The following SNAP91 variants were observed in gnomAD, a reference collection of about 807,000 sequenced individuals.
SNAP91 encodes the protein clathrin coat assembly protein AP180.
Under a neutral mutation model 100.3 loss-of-function variants are expected in SNAP91, and 27 were observed. The observed-to-expected ratio is 0.27, with a 90% confidence interval of 0.20 to 0.37. SNAP91 has a LOEUF of 0.37. Among genes scored for constraint, SNAP91 ranks in the 10% least tolerant of loss-of-function variants. The pLI is 1.00. For missense variants in SNAP91, 986 were observed against 1,123.7 expected, an observed-to-expected ratio of 0.88 and a Z score of 1.75; for synonymous variants, 404 against 398.6, an observed-to-expected ratio of 1.01 and a Z score of -0.16.
chr6:83,609,368 C>T (rs924456053), intron 12 of SNAP91, among the ~76,000 whole-genome samples: 1 of 152,126 alleles, frequency 6.6e-6, no homozygotes, highest in African/African-American at 2.4e-5. Flanking sequence ...TTCACATAGA[C>T]ATAATGGTTT....
chr6:83,671,625 T>A (rs1475859244), intron 2 of SNAP91, among the ~76,000 whole-genome samples: 1 of 152,062 alleles, frequency 6.6e-6, no homozygotes, highest in African/African-American at 2.4e-5. Context: ...TGAAAATTAA[T>A]CTTAGAAAGA....
At chr6:83,563,738 A>T (rs1413622274) in intron 26 of SNAP91, among the ~76,000 whole-genome samples, 1 of 152,250 alleles carries the variant, frequency 6.6e-6, no homozygotes, top group Non-Finnish European at 1.5e-5. Context: ...GAAAAATTTA[A>T]TTATGAAAAC....
intron 23 of SNAP91, 30 bp downstream of exon 23, chr6:83,582,192 G>GAA: frequency 6.2e-7 from 1 of 1,610,838 alleles, no homozygotes; most frequent in Non-Finnish European, 8.5e-7. Context: ...CAGGACACAT[G>GAA]AAAAGAATGT....
intron 14 of SNAP91, among the ~76,000 whole-genome samples, chr6:83,604,097 T>G (rs989747422): frequency 6.6e-6 from 1 of 152,176 alleles, no homozygotes; most frequent in Non-Finnish European, 1.5e-5. Flanking sequence ...AAGATAAAAT[T>G]TATCTTCAGT....
At chr6:83,577,779 G>A (rs755416525) in intron 24 of SNAP91, among the ~76,000 whole-genome samples, 1 of 152,078 alleles carries the variant, frequency 6.6e-6, no homozygotes, top group Non-Finnish European at 1.5e-5. Flanking sequence ...TTTAAAGTAC[G>A]TAATTCAATG....
intron 24 of SNAP91, among the ~76,000 whole-genome samples, chr6:83,578,238 T>A (rs1165422137): frequency 6.6e-6 from 1 of 151,948 alleles, no homozygotes; most frequent in African/African-American, 2.4e-5. Context: ...CACCTAGGAG[T>A]GGAAATGCTG....
chr6:83,697,324 G>GCGCA (rs71549562), intron 2 of SNAP91, among the ~76,000 whole-genome samples: 3 of 138,064 alleles, frequency 2.2e-5, no homozygotes, highest in African/African-American at 8.0e-5. Context: ...GAAAATAGCT[G>GCGCA]CACACACACA....
intron 2 of SNAP91, 25 bp from the exon 3 acceptor site, chr6:83,665,606 A>C (rs1290355207): frequency 1.3e-6 from 2 of 1,596,414 alleles, no homozygotes; most frequent in Admixed American, 3.5e-5. Context: ...GATATTAATC[A>C]ATGATATTAA....
intron 2 of SNAP91, among the ~76,000 whole-genome samples, chr6:83,705,132 T>C (rs1435379771): frequency 2.0e-5 from 3 of 152,246 alleles, no homozygotes; most frequent in Non-Finnish European, 4.4e-5. Context: ...GTGATAACTA[T>C]GTCTCCAAAT....
intron 8 of SNAP91, among the ~76,000 whole-genome samples, chr6:83,635,694 G>A (rs147152506): frequency 6.6e-6 from 1 of 151,998 alleles, no homozygotes; most frequent in Non-Finnish European, 1.5e-5. Context: ...GTATTCATAT[G>A]TGAGGTTTCA....
At chr6:83,705,856 T>C (rs2099369864) in intron 2 of SNAP91, among the ~76,000 whole-genome samples, 1 of 151,664 alleles carries the variant, frequency 6.6e-6, no homozygotes, top group Non-Finnish European at 1.5e-5. Context: ...CCTGAACCCA[T>C]TAAGTGATGA....
At chr6:83,678,949 GA>G (rs5877861) in intron 2 of SNAP91, 19,066 of 832,306 alleles carry the variant, frequency 0.023, 596 homozygotes, top group African/African-American at 0.16. Flanking sequence ...TAAGTGAAAT[GA>G]AAAAAAAAAA....
intron 26 of SNAP91, among the ~76,000 whole-genome samples, chr6:83,572,568 T>A (rs1197230612): frequency 6.6e-6 from 1 of 152,140 alleles, no homozygotes; most frequent in Non-Finnish European, 1.5e-5. Flanking sequence ...TTTTTTCCTT[T>A]TTTTAACCTA....
intron 29 of SNAP91, among the ~76,000 whole-genome samples, chr6:83,554,504 GTA>G (rs1234962750): frequency 6.6e-6 from 1 of 151,966 alleles, no homozygotes; most frequent in East Asian, 1.9e-4. Flanking sequence ...AACTTTTGAT[GTA>G]TAGTTTCATT....
intron 16 of SNAP91, 134 bp downstream of exon 16, chr6:83,601,137 A>T: frequency 2.8e-6 from 2 of 707,936 alleles, no homozygotes; most frequent in Non-Finnish European, 4.7e-6. Flanking sequence ...AGATAAATAT[A>T]CATGAATAAA....
At chr6:83,617,724 T>C (rs2096557278) in intron 9 of SNAP91, among the ~76,000 whole-genome samples, 1 of 151,826 alleles carries the variant, frequency 6.6e-6, no homozygotes, top group Non-Finnish European at 1.5e-5. Flanking sequence ...CTTTTATAAA[T>C]AATATTTTAG....
intron 2 of SNAP91, among the ~76,000 whole-genome samples, chr6:83,683,226 T>C (rs1189034230): frequency 1.3e-5 from 2 of 152,152 alleles, no homozygotes; most frequent in Non-Finnish European, 2.9e-5. Flanking sequence ...ATAATGGGTG[T>C]GCCTAAGATG....
At chr6:83,640,778 A>G (rs1256170154) in intron 8 of SNAP91, among the ~76,000 whole-genome samples, 1 of 152,190 alleles carries the variant, frequency 6.6e-6, no homozygotes, top group Non-Finnish European at 1.5e-5. Flanking sequence ...GGATTTTCTA[A>G]CAATTAAAGA....
At chr6:83,624,456 T>C (rs1301589004) in intron 8 of SNAP91, among the ~76,000 whole-genome samples, 1 of 152,124 alleles carries the variant, frequency 6.6e-6, no homozygotes, top group African/African-American at 2.4e-5. Flanking sequence ...AGTAAACACA[T>C]GAAGCAAAAG....
Sources: gnomAD v4.1 joint callset for allele counts (sites outside exome capture counted in the v4.1 genomes callset) on GRCh38, gnomAD v4.1.1 for gene constraint, MANE v1.5 for transcripts, NCBI Gene and HGNC (gene_info 2026-07-23, HGNC 2026-07-21) for gene names.